The following RPS6KL1 variants were observed in gnomAD, a reference collection of about 807,000 sequenced individuals.
RPS6KL1 encodes ribosomal protein S6 kinase like 1, also known as ribosomal protein S6 kinase-like 1.
RPS6KL1 carries 41 observed loss-of-function variants against 57.0 expected under a neutral mutation model. That is an observed-to-expected ratio of 0.72 (90% CI 0.56 to 0.93). The LOEUF is 0.93. Among genes scored for constraint, RPS6KL1 ranks in the 40% least tolerant of loss-of-function variants. The pLI is 0.00. For synonymous variants in RPS6KL1, 287 were observed against 309.7 expected, an observed-to-expected ratio of 0.93 and a Z score of 0.77; for missense variants, 697 against 727.7, an observed-to-expected ratio of 0.96 and a Z score of 0.49.
chr14:74,921,812 A>G, intron 2 of RPS6KL1, 166 bp downstream of exon 2: 1 of 1,083,184 alleles, frequency 9.2e-7, no homozygotes, highest in South Asian at 2.0e-5. Context: ...GAGTCTCGCT[A>G]TGTCACCCAG....
At chr14:74,918,474 A>G in intron 5 of RPS6KL1, 39 bp downstream of exon 5, 1 of 1,425,332 alleles carries the variant, frequency 7.0e-7, no homozygotes, top group Non-Finnish European at 9.5e-7. Flanking sequence ...AATTGCATAC[A>G]CTGTCTCCCT....
chr14:74,908,983 C>T (rs1885401889), intron 9 of RPS6KL1, 51 bp from the exon 10 acceptor site: 1 of 1,577,790 alleles, frequency 6.3e-7, no homozygotes. Context: ...AGGGCCTCTT[C>T]CATTCTCCTC....
chr14:74,920,579 C>T (rs1277071460), intron 3 of RPS6KL1, among the ~76,000 whole-genome samples: 1 of 152,230 alleles, frequency 6.6e-6, no homozygotes, highest in Admixed American at 6.5e-5. Flanking sequence ...CCTCCCCTCT[C>T]GCCTCTAGGC....
chr14:74,906,966 G>C lies in RPS6KL1; in HGVS notation c.*48C>G, dbSNP rs748233240. 2 of 1,415,682 alleles carry C rather than the reference G, an allele frequency of 1.4e-6. No individual in the cohort carries two copies. The highest frequency in any genetic ancestry group is 2.4e-5 in the South Asian group (2 of 83,710). The allele number at this position is 1,415,682 out of a possible 1,614,324, so 87.7% of individuals were successfully genotyped here. A position where few individuals can be genotyped will look rare whatever the true frequency, so the allele number is the denominator to read the frequency against. On this transcript the variant is annotated 3_prime_UTR_variant, in exon 12 of 12. Transcript: ENST00000557413. ...TGGGTTGGGTGTCAGGCAAGGAGGA[G>C]AGGCGATCCAGACCAGGCCAGCTGC...
rs549104215 is a variant in RPS6KL1, at chr14:74,906,545, A to G, written c.*469T>C. Reference sequence around the variant, plus strand: ...GAGGCCTACTCGCTGTGTGACTAAGAGGACTAGCCAGGACAGTCTGGTTTG... The same window carrying G: ...GAGGCCTACTCGCTGTGTGACTAAGGGGACTAGCCAGGACAGTCTGGTTTG... On this transcript the variant is annotated 3_prime_UTR_variant, in exon 12 of 12. Transcript: ENST00000557413. 362 of 523,876 alleles carry G rather than the reference A, an allele frequency of 6.9e-4. 2 individuals are homozygous for G. Among genetic ancestry groups the G allele is most frequent in the South Asian group, 5.2e-3 (356 of 68,770 alleles). 32.5% of individuals were successfully genotyped at this position (523,876 alleles called of 1,614,324 possible).
At position 74,904,606 on chromosome 14, in the gene RPS6KL1, T is replaced by C. The variant is rs1884486128; in HGVS notation, c.*2408A>G. 1.3e-5 allele frequency: 2 copies of C among 152,140 alleles called. No homozygotes were observed. Among genetic ancestry groups the C allele is most frequent in the South Asian group, 4.1e-4 (2 of 4,834 alleles). 9.4% of individuals were successfully genotyped at this position (152,140 alleles called of 1,614,324 possible). A position where few individuals can be genotyped will look rare whatever the true frequency, so the allele number is the denominator to read the frequency against. ...GAGCCTGTCAAGCCATACTCTAGAA[T>C]AGAGAATTTGGGGTCACCATCTTTG... On this transcript the variant is annotated 3_prime_UTR_variant, in exon 12 of 12. Coordinates refer to ENST00000557413, the MANE Select transcript of RPS6KL1 (RefSeq NM_031464.5).
chr14:74,906,411 G>C lies in RPS6KL1; in HGVS notation c.*603C>G, dbSNP rs1490377375. On this transcript the variant is annotated 3_prime_UTR_variant, in exon 12 of 12. Coordinates refer to ENST00000557413, the MANE Select transcript of RPS6KL1 (RefSeq NM_031464.5). Reference sequence around the variant, plus strand: ...GGGGCATGGTCAGGAATCGGGGGTGGGGGGGTGGGGGTGGGGGTCATCCTG... The same window carrying C: ...GGGGCATGGTCAGGAATCGGGGGTGCGGGGGTGGGGGTGGGGGTCATCCTG... 3.0e-6 allele frequency: 1 copy of C among 337,706 alleles called. No homozygotes were observed. The highest frequency in any genetic ancestry group is 2.3e-5 in the African/African-American group (1 of 43,170). The allele number at this position is 337,706 out of a possible 1,614,324, so 20.9% of individuals were successfully genotyped here.
chr14:74,909,526 G>T lies in RPS6KL1; in HGVS notation c.1270+17C>A. On this transcript the variant is annotated intron_variant, in intron 8 of 11. Transcript: ENST00000557413. ...GCTTTGGGGGCCACCCCACTGAGGG[G>T]TGAGGAGGGCACCTACCTGCCTGGT... is the stretch of plus-strand genomic sequence containing the variant. 1 of 1,575,450 alleles carries T rather than the reference G, an allele frequency of 6.3e-7. No homozygotes were observed. The highest frequency in any genetic ancestry group is 8.6e-7 in the Non-Finnish European group (1 of 1,160,040).
chr14:74,919,403 CTG>C (rs533913084), intron 4 of RPS6KL1, among the ~76,000 whole-genome samples: 203 of 152,342 alleles, frequency 1.3e-3, no homozygotes, highest in Middle Eastern at 6.8e-3. Flanking sequence ...CATGTGGGGA[CTG>C]TGTGTGTGCA....
intron 5 of RPS6KL1, among the ~76,000 whole-genome samples, chr14:74,916,677 T>A (rs1301153389): frequency 2.7e-5 from 4 of 150,268 alleles, no homozygotes. Context: ...CGAGACCCTG[T>A]GTCAAGAAAA....
At position 74,909,550 on chromosome 14, in the gene RPS6KL1, G is replaced by T; in HGVS notation, c.1263C>A (p.Asp421Glu). The part of the protein sequence containing the change: ...RDLHPGNLLL[D>E]QAGHIRLTYF... ...GGTGAGGAGGGCACCTACCTGCCTG[G>T]TCCAGGAGCAGGTTCCCGGGGTGGA... The change falls in exon 8 of 12, where the codon GAC becomes GAA. Residue 421 changes from aspartate to glutamate, a missense_variant. Physicochemically the swap from Asp to Glu is conservative, Grantham distance 45 (BLOSUM62 2). Transcript: ENST00000557413. The T allele has an allele frequency of 1.3e-6, 2 of 1,597,196 alleles. No homozygotes were observed. The highest frequency in any genetic ancestry group is 1.7e-6 in the Non-Finnish European group (2 of 1,171,240).
rs1885382014 is a variant in RPS6KL1 at position 74,908,911 on chromosome 14, A to G, written c.1382T>C (p.Leu461Pro). 1 of 1,613,756 alleles carries G rather than the reference A, an allele frequency of 6.2e-7. No individual in the cohort carries two copies. Among genetic ancestry groups the G allele is most frequent in the Non-Finnish European group, 8.5e-7 (1 of 1,179,844 alleles). ...SAPEVGGISELTEACDWWSFG... is the reference protein window; with the variant it reads ...SAPEVGGISEPTEACDWWSFG... ...GCTCCACCAGTCACAGGCTTCCGTC[A>G]GCTCGGAAATCCCACCCACCTCTGT... Residue 461 changes from leucine (L) to proline (P), a missense_variant, in exon 10 of 12, where the codon CTG becomes CCG. Coordinates refer to ENST00000557413, the MANE Select transcript of RPS6KL1 (RefSeq NM_031464.5).
intron 6 of RPS6KL1, 69 bp downstream of exon 6, chr14:74,911,725 A>C: frequency 1.4e-6 from 2 of 1,401,838 alleles, no homozygotes; most frequent in Non-Finnish European, 2.0e-6. Flanking sequence ...GGTTCTGGGT[A>C]GGAGTTTCCA....
At chr14:74,919,330 G>C (rs796944874) in intron 4 of RPS6KL1, among the ~76,000 whole-genome samples, 5 of 152,276 alleles carry the variant, frequency 3.3e-5, no homozygotes, top group African/African-American at 1.2e-4. Context: ...ACGCGCAACC[G>C]TGGGGTAAGA....
At chr14:74,907,903 GGCATGCTACCATCGGGGCCA>G (rs1218114579) in intron 10 of RPS6KL1, among the ~76,000 whole-genome samples, 1 of 152,206 alleles carries the variant, frequency 6.6e-6, no homozygotes, top group African/African-American at 2.4e-5. Flanking sequence ...AGCAGGCCAT[GGCATGCTACCATCGGGGCCA>G]AGGCAGCGGC....
In RPS6KL1 at chr14:74,909,161, A is replaced by C; in HGVS notation, c.1300T>G (p.Trp434Gly). The change falls in exon 9 of 12, where the codon TGG becomes GGG. Residue 434 changes from tryptophan (W) to glycine (G), a missense_variant. By Grantham distance (184) the Trp-to-Gly change is radical. Coordinates refer to ENST00000557413, the MANE Select transcript of RPS6KL1 (RefSeq NM_031464.5). ...GHIRLTYFGQ[W>G]SEVEPQCCGE... Reference sequence around the variant, plus strand: ...CAGCACTGGGGCTCCACCTCTGACCACTGGCCAAAATATGTGAGCCGGATG... The same window carrying C: ...CAGCACTGGGGCTCCACCTCTGACCCCTGGCCAAAATATGTGAGCCGGATG... The C allele has an allele frequency of 6.2e-7, 1 of 1,614,172 alleles. No homozygotes were observed. Among genetic ancestry groups the C allele is most frequent in the Non-Finnish European group, 8.5e-7 (1 of 1,180,024 alleles).
intron 5 of RPS6KL1, among the ~76,000 whole-genome samples, chr14:74,914,790 G>A (rs987926115): frequency 6.6e-6 from 1 of 152,222 alleles, no homozygotes; most frequent in Non-Finnish European, 1.5e-5. Flanking sequence ...TCAGCTCACT[G>A]CAATCTCTGC....
intron 5 of RPS6KL1, among the ~76,000 whole-genome samples, chr14:74,917,118 T>C (rs1415494994): frequency 6.6e-6 from 1 of 152,216 alleles, no homozygotes; most frequent in Non-Finnish European, 1.5e-5. Flanking sequence ...GAGAAGCAGC[T>C]GGAGTAAGGC....
chr14:74,909,382 A>T, intron 8 of RPS6KL1, 161 bp downstream of exon 8: 1 of 1,066,754 alleles, frequency 9.4e-7, no homozygotes, highest in African/African-American at 1.6e-5. Context: ...GGGTACTCCC[A>T]GGAGCCTCGG....
Sources: gnomAD v4.1 joint callset for allele counts (sites outside exome capture counted in the v4.1 genomes callset) on GRCh38, gnomAD v4.1.1 for gene constraint, MANE v1.5 for transcripts, NCBI Gene and HGNC (gene_info 2026-07-23, HGNC 2026-07-21) for gene names.